CRPPA: variants seen among roughly 807,000 people sequenced by gnomAD.
The protein encoded by CRPPA is CDP-L-ribitol pyrophosphorylase A, also known as D-ribitol-5-phosphate cytidylyltransferase.
A neutral mutation model predicts 52.0 loss-of-function variants in CRPPA; 43 were observed. That is an observed-to-expected ratio of 0.83 (90% CI 0.65 to 1.07). The LOEUF (loss-of-function observed/expected upper bound fraction) is 1.07. Among genes scored for constraint, CRPPA ranks in the 50% least tolerant of loss-of-function variants. The pLI, the probability that CRPPA is intolerant of heterozygous loss-of-function variation, is 0.00. For synonymous variants in CRPPA, 250 were observed against 203.5 expected, an observed-to-expected ratio of 1.23 and a Z score of -1.94; for missense variants, 629 against 551.7, an observed-to-expected ratio of 1.14 and a Z score of -1.40.
rs758618819 is a variant in CRPPA, at chr7:16,254,788, A to AGAAGGAAG, written c.1119+3601_1119+3602insCTTCCTTC. Reference sequence around the variant, plus strand: ...CAGACACACAGAAAGAAAGAAAGAAAGAAGGAAAGAAAGAAAGAAAGAAAG... The same window carrying AGAAGGAAG: ...CAGACACACAGAAAGAAAGAAAGAAAGAAGGAAGGAAGGAAAGAAAGAAAGAAAGAAAG... On this transcript the variant is annotated intron_variant, in intron 8 of 9. Transcript: ENST00000407010. Among the ~76,000 whole-genome samples the AGAAGGAAG allele has an allele frequency of 1.5e-3, 174 of 118,168 alleles. 1 individual carries two copies. The highest frequency in any genetic ancestry group is 5.3e-3 in the African/African-American group (163 of 30,616). The allele number at this position is 118,168 out of a possible 152,430, so 77.5% of individuals were successfully genotyped here.
intron 9 of CRPPA, among the ~76,000 whole-genome samples, chr7:16,140,026 G>A (rs193161683): frequency 6.6e-6 from 1 of 151,702 alleles, no homozygotes; most frequent in Non-Finnish European, 1.5e-5. Context: ...TTAAAAAAAA[G>A]TCAAGTAAAA....
At chr7:16,284,962 G>A (rs1189738499) in intron 5 of CRPPA, among the ~76,000 whole-genome samples, 1 of 152,046 alleles carries the variant, frequency 6.6e-6, no homozygotes, top group Non-Finnish European at 1.5e-5. Context: ...GTTATTCGAG[G>A]ATCCCCAAAC....
intron 6 of CRPPA, among the ~76,000 whole-genome samples, chr7:16,273,473 T>C (rs1396660002): frequency 6.6e-6 from 1 of 151,926 alleles, no homozygotes; most frequent in Non-Finnish European, 1.5e-5. Context: ...AAGGACGGCT[T>C]GACGGTAGGA....
intron 9 of CRPPA, among the ~76,000 whole-genome samples, chr7:16,097,254 A>G (rs993673842): frequency 2.0e-5 from 3 of 152,214 alleles, no homozygotes; most frequent in Non-Finnish European, 4.4e-5. Flanking sequence ...TAACAAAAAA[A>G]GTGTACTTAA....
intron 9 of CRPPA, among the ~76,000 whole-genome samples, chr7:16,128,637 G>A (rs892196664): frequency 1.3e-5 from 2 of 152,122 alleles, no homozygotes; most frequent in Non-Finnish European, 2.9e-5. Context: ...AGTGATATGA[G>A]GTAGAAAGGC....
intron 3 of CRPPA, among the ~76,000 whole-genome samples, chr7:16,318,466 T>C (rs1316541093): frequency 6.6e-6 from 1 of 152,166 alleles, no homozygotes; most frequent in Non-Finnish European, 1.5e-5. Context: ...ATTTAACTAT[T>C]CTTATATTTT....
Position 16,089,332 on chromosome 7 carries a change from A to G in CRPPA, c.*2363T>C, listed in dbSNP as rs1245923785. 2 of 398,976 alleles carry G rather than the reference A, an allele frequency of 5.0e-6. No homozygotes were observed. Among genetic ancestry groups the G allele is most frequent in the African/African-American group, 2.2e-5 (1 of 46,006 alleles). The allele number at this position is 398,976 out of a possible 1,614,324, so 24.7% of individuals were successfully genotyped here. A position where few individuals can be genotyped will look rare whatever the true frequency, so the allele number is the denominator to read the frequency against. ...TGTGTATGCGTACGTATATAAATAT[A>G]TGTGTGTATGCGTACGTATATACAT... On this transcript the variant is annotated 3_prime_UTR_variant, in exon 10 of 10. Transcript: ENST00000407010.
chr7:16,193,326 A>ATTTG (rs1474084444), intron 9 of CRPPA, among the ~76,000 whole-genome samples: 22 of 152,032 alleles, frequency 1.4e-4, no homozygotes, highest in African/African-American at 5.3e-4. Flanking sequence ...AATTTCCAAT[A>ATTTG]TTTGTTTGTA....
chr7:16,258,898 T>C (rs771571339), intron 7 of CRPPA, 22 bp downstream of exon 7: 1 of 1,517,912 alleles, frequency 6.6e-7, no homozygotes. Context: ...TTAAGTGCCT[T>C]CAATCATTTG....
At chr7:16,194,650 G>A (rs912195078) in intron 9 of CRPPA, among the ~76,000 whole-genome samples, 1 of 152,066 alleles carries the variant, frequency 6.6e-6, no homozygotes, top group African/African-American at 2.4e-5. Context: ...TGCTTTAATG[G>A]TAAGATTTTT....
rs7801044 is a variant in CRPPA at position 16,172,945 on chromosome 7, C to T, written c.1251+43121G>A. On this transcript the variant is annotated intron_variant, in intron 9 of 9. Coordinates refer to ENST00000407010, the MANE Select transcript of CRPPA (RefSeq NM_001101426.4). ...CCCATGAAGCATTCCATGAAACATA[C>T]TTTGTTTTCAACTGGAGAAATCCAC... is the stretch of plus-strand genomic sequence containing the variant. Among the ~76,000 whole-genome samples, 314 of 152,312 alleles carry T rather than the reference C, an allele frequency of 2.1e-3. 2 individuals carry two copies. The highest frequency in any genetic ancestry group is 7.3e-3 in the African/African-American group (303 of 41,570).
intron 9 of CRPPA, among the ~76,000 whole-genome samples, chr7:16,187,329 G>T (rs548952903): frequency 2.4e-4 from 37 of 152,178 alleles, no homozygotes; most frequent in African/African-American, 8.9e-4. Context: ...GGGATTTTCT[G>T]TTCCTAAAAC....
chr7:16,273,426 T>C (rs2128416608), intron 6 of CRPPA, among the ~76,000 whole-genome samples: 1 of 151,832 alleles, frequency 6.6e-6, no homozygotes, highest in East Asian at 1.9e-4. Flanking sequence ...GAGAAGCAGT[T>C]TGACTTCAGA....
At chr7:16,343,992 C>A in intron 3 of CRPPA, among the ~76,000 whole-genome samples, 1 of 152,120 alleles carries the variant, frequency 6.6e-6, no homozygotes, top group Non-Finnish European at 1.5e-5. Context: ...GACCATCAAG[C>A]TAATCTAGAA....
At chr7:16,189,258 T>C (rs371743346) in intron 9 of CRPPA, among the ~76,000 whole-genome samples, 1 of 152,132 alleles carries the variant, frequency 6.6e-6, no homozygotes, top group African/African-American at 2.4e-5. Context: ...CCCTTAAGCA[T>C]GAATAAAATT....
At chr7:16,269,736 T>C (rs1784047515) in intron 6 of CRPPA, 1 of 152,200 alleles carries the variant, frequency 6.6e-6, no homozygotes, top group Non-Finnish European at 1.5e-5. Flanking sequence ...AACCATTGTT[T>C]AGCTAAAGCT....
intron 3 of CRPPA, among the ~76,000 whole-genome samples, chr7:16,357,762 A>G (rs1786339655): frequency 2.0e-5 from 3 of 152,218 alleles, no homozygotes; most frequent in African/African-American, 7.2e-5. Flanking sequence ...CTAAGAAGGA[A>G]TAAGACAGAA....
intron 9 of CRPPA, among the ~76,000 whole-genome samples, chr7:16,190,530 G>A (rs1323688566): frequency 6.6e-6 from 1 of 152,092 alleles, no homozygotes; most frequent in Non-Finnish European, 1.5e-5. Context: ...AAACAACACA[G>A]GTCTGATTAT....
At chr7:16,321,885 T>C (rs754113951) in intron 3 of CRPPA, among the ~76,000 whole-genome samples, 2 of 152,026 alleles carry the variant, frequency 1.3e-5, no homozygotes, top group Non-Finnish European at 2.9e-5. Flanking sequence ...TACTAAGTCC[T>C]GAGAAAGATG....
Sources: gnomAD v4.1 joint callset for allele counts (sites outside exome capture counted in the v4.1 genomes callset) on GRCh38, gnomAD v4.1.1 for gene constraint, MANE v1.5 for transcripts, NCBI Gene and HGNC (gene_info 2026-07-23, HGNC 2026-07-21) for gene names.